The following EXOC4 variants were observed in gnomAD, a reference collection of about 807,000 sequenced individuals.
The protein encoded by EXOC4 is exocyst complex component 4, also known as SEC8-like 1.
Under a neutral mutation model 107.2 loss-of-function variants are expected in EXOC4, and 71 were observed. That is an observed-to-expected ratio of 0.66 (90% confidence interval 0.55 to 0.81). EXOC4 has a LOEUF of 0.81. Ranked by LOEUF, EXOC4 falls within the 30% of genes least tolerant of loss-of-function variation. The pLI is 0.00. For missense variants in EXOC4, 1,108 were observed against 1,189.6 expected (o/e 0.93, Z 1.01); for synonymous variants, 456 against 441.2 (o/e 1.03, Z -0.42).
At chr7:133,972,542 A>G (rs1473553277) in intron 14 of EXOC4, among the ~76,000 whole-genome samples, 1 of 152,246 alleles carries the variant, frequency 6.6e-6, no homozygotes, top group African/African-American at 2.4e-5. Flanking sequence ...ACATTATAAC[A>G]AACTTAAAAT....
At chr7:133,536,230 C>T (rs1416953625) in intron 9 of EXOC4, among the ~76,000 whole-genome samples, 2 of 152,204 alleles carry the variant, frequency 1.3e-5, no homozygotes, top group East Asian at 1.9e-4. Context: ...GTCCCTTACT[C>T]AGAATAAATG....
intron 5 of EXOC4, among the ~76,000 whole-genome samples, chr7:133,328,356 A>G (rs1795298694): frequency 6.6e-6 from 1 of 152,090 alleles, no homozygotes; most frequent in Non-Finnish European, 1.5e-5. Context: ...AATACAGCAC[A>G]CTGCTGGGTC....
At chr7:133,345,510 C>G (rs1238358145) in intron 5 of EXOC4, among the ~76,000 whole-genome samples, 1 of 152,034 alleles carries the variant, frequency 6.6e-6, no homozygotes, top group Non-Finnish European at 1.5e-5. Context: ...TTTTTAGTAG[C>G]CTCTTCTCCA....
At chr7:133,633,993 T>A (rs1802649005) in intron 10 of EXOC4, among the ~76,000 whole-genome samples, 1 of 152,168 alleles carries the variant, frequency 6.6e-6, no homozygotes, top group Non-Finnish European at 1.5e-5. Context: ...AGTTCATAAT[T>A]TTCATTCAGC....
At chr7:133,922,951 G>A (rs1359691618) in intron 13 of EXOC4, among the ~76,000 whole-genome samples, 4 of 151,068 alleles carry the variant, frequency 2.6e-5, no homozygotes, top group African/African-American at 7.3e-5. Context: ...TGGGCTCTTG[G>A]AACTATTTCA....
intron 5 of EXOC4, among the ~76,000 whole-genome samples, chr7:133,338,546 T>C (rs1287231466): frequency 7.4e-6 from 1 of 134,794 alleles, no homozygotes; most frequent in African/African-American, 2.7e-5. Flanking sequence ...TGAGCCGAGA[T>C]TGCGCCACTG....
intron 9 of EXOC4, among the ~76,000 whole-genome samples, chr7:133,569,241 A>G (rs923165156): frequency 1.8e-4 from 27 of 152,176 alleles, no homozygotes; most frequent in African/African-American, 6.5e-4. Context: ...GGTGATAACA[A>G]TAAAGAAATT....
intron 5 of EXOC4, among the ~76,000 whole-genome samples, chr7:133,323,054 T>G (rs1298006229): frequency 1.3e-5 from 2 of 152,344 alleles, no homozygotes; most frequent in East Asian, 3.9e-4. Flanking sequence ...TTTTTGCACA[T>G]TGATTTTGTA....
At chr7:133,700,852 G>C (rs1794641776) in intron 10 of EXOC4, among the ~76,000 whole-genome samples, 1 of 152,008 alleles carries the variant, frequency 6.6e-6, no homozygotes, top group Non-Finnish European at 1.5e-5. Flanking sequence ...CTGATAGTCA[G>C]TATTAACTTA....
chr7:133,286,749 C>T (rs60498338), intron 2 of EXOC4, among the ~76,000 whole-genome samples: 3,638 of 152,294 alleles, frequency 0.024, 386 homozygotes, highest in Admixed American at 0.18. Flanking sequence ...TAACTATTGA[C>T]GGAGACCGAG....
intron 9 of EXOC4, among the ~76,000 whole-genome samples, chr7:133,618,854 TACA>T (rs1802258184): frequency 6.6e-6 from 1 of 152,174 alleles, no homozygotes; most frequent in Non-Finnish European, 1.5e-5. Flanking sequence ...ATAGTAAATG[TACA>T]ACAAGTAATA....
chr7:133,784,017 T>G (rs1270663147), intron 10 of EXOC4, among the ~76,000 whole-genome samples: 1 of 152,194 alleles, frequency 6.6e-6, no homozygotes. Flanking sequence ...ATAGGAATCA[T>G]TAGTTTAAAA....
chr7:133,561,835 T>C (rs1800809528), intron 9 of EXOC4, among the ~76,000 whole-genome samples: 1 of 152,250 alleles, frequency 6.6e-6, no homozygotes, highest in Non-Finnish European at 1.5e-5. Flanking sequence ...AATGGTGTCC[T>C]GTTCAGGGCT....
chr7:133,415,179 A>G (rs543469751), intron 7 of EXOC4, among the ~76,000 whole-genome samples: 1 of 146,160 alleles, frequency 6.8e-6, no homozygotes, highest in African/African-American at 2.5e-5. Flanking sequence ...TCCATTCATT[A>G]GTTGAACATT....
chr7:133,617,903 G>C (rs1343140932), intron 9 of EXOC4, among the ~76,000 whole-genome samples: 1 of 152,146 alleles, frequency 6.6e-6, no homozygotes, highest in Non-Finnish European at 1.5e-5. Context: ...TGTTGCTAAT[G>C]TTTGGGATAG....
At chr7:133,954,300 ATTT>A (rs1308678872) in intron 14 of EXOC4, among the ~76,000 whole-genome samples, 1 of 152,214 alleles carries the variant, frequency 6.6e-6, no homozygotes, top group East Asian at 1.9e-4. Context: ...CAAGGATATT[ATTT>A]GGAATACGGA....
At chr7:133,683,434 T>G (rs1262496954) in intron 10 of EXOC4, among the ~76,000 whole-genome samples, 1 of 152,168 alleles carries the variant, frequency 6.6e-6, no homozygotes, top group East Asian at 1.9e-4. Context: ...AACATATATA[T>G]TAAACTGTCA....
intron 9 of EXOC4, among the ~76,000 whole-genome samples, chr7:133,580,535 A>G (rs1005342962): frequency 6.6e-6 from 1 of 152,176 alleles, no homozygotes; most frequent in African/African-American, 2.4e-5. Flanking sequence ...TTGATTTTTA[A>G]GTTACAAAAG....
intron 9 of EXOC4, among the ~76,000 whole-genome samples, chr7:133,533,373 A>T (rs1335037488): frequency 1.3e-5 from 2 of 152,150 alleles, no homozygotes; most frequent in African/African-American, 4.8e-5. Context: ...ATGGAATGAC[A>T]GCCTGTGCCA....
Sources: gnomAD v4.1 joint callset for allele counts (sites outside exome capture counted in the v4.1 genomes callset) on GRCh38, gnomAD v4.1.1 for gene constraint, MANE v1.5 for transcripts, NCBI Gene and HGNC (gene_info 2026-07-23, HGNC 2026-07-21) for gene names.